The following ZNF343 variants were observed in gnomAD, a reference collection of about 807,000 sequenced individuals.
ZNF343 encodes the protein zinc finger protein 343.
In ZNF343, 11 loss-of-function variants were observed where a neutral mutation model predicts 13.8. The ratio of observed to expected loss-of-function variants is 0.80; its 90% CI spans 0.50 to 1.32. The LOEUF is 1.32. Among genes scored for constraint, ZNF343 ranks in the 40% most tolerant of loss-of-function variants. The probability of loss-of-function intolerance (pLI) is 0.00; values close to 1 mark genes in which losing one functional copy is unlikely to be tolerated. For missense variants in ZNF343, 658 were observed against 714.2 expected, an observed-to-expected ratio of 0.92 and a Z score of 0.90; for synonymous variants, 248 against 260.0, an observed-to-expected ratio of 0.95 and a Z score of 0.44.
At chr20:2,490,196 C>A (rs1000541843) in intron 5 of ZNF343, among the ~76,000 whole-genome samples, 4 of 151,946 alleles carry the variant, frequency 2.6e-5, no homozygotes, top group Non-Finnish European at 5.9e-5. Flanking sequence ...GGTGAGACAG[C>A]GATAGATAAT....
intron 5 of ZNF343, among the ~76,000 whole-genome samples, chr20:2,490,335 AAAG>A (rs1207990571): frequency 6.6e-6 from 1 of 152,144 alleles, no homozygotes; most frequent in East Asian, 1.9e-4. Flanking sequence ...GAGAAAAGAA[AAAG>A]AAGGAAGGGA....
intron 2 of ZNF343, among the ~76,000 whole-genome samples, chr20:2,498,860 A>G (rs2085506475): frequency 6.6e-6 from 1 of 152,128 alleles, no homozygotes; most frequent in South Asian, 2.1e-4. Flanking sequence ...AATCTAGGCA[A>G]TCTGTCTCCA....
intron 5 of ZNF343, among the ~76,000 whole-genome samples, chr20:2,491,604 G>A (rs1265375165): frequency 6.6e-6 from 1 of 152,106 alleles, no homozygotes; most frequent in Non-Finnish European, 1.5e-5. Context: ...AATATTTCAT[G>A]ATACATAAAC....
Position 2,483,791 on chromosome 20 carries a change from A to G in ZNF343, c.1170T>C (p.Phe390=). The G allele has an allele frequency of 6.2e-7, 1 of 1,613,850 alleles. No homozygotes were observed. The highest frequency in any genetic ancestry group is 8.5e-7 in the Non-Finnish European group (1 of 1,179,948). The change falls in exon 6 of 6, where the codon TTT becomes TTC. Residue 390 remains phenylalanine, a synonymous_variant. Transcript: ENST00000278772. ...PYVCLECGRS[F]CDKSTLRKHQ... ...GTTTTCTGAGGGTTGACTTATCACA[A>G]AAGCTTCGTCCACACTCCAGGCACA... is the stretch of plus-strand genomic sequence containing the variant.
intron 1 of ZNF343, among the ~76,000 whole-genome samples, chr20:2,500,976 G>A (rs888865330): frequency 7.2e-5 from 11 of 152,324 alleles, no homozygotes; most frequent in Admixed American, 2.0e-4. Context: ...GACAGTGGGT[G>A]CAGAGCACCG....
At chr20:2,513,490 G>T (rs2085746810), upstream of ZNF343, among the ~76,000 whole-genome samples, 1 of 152,238 alleles carries the variant, frequency 6.6e-6, no homozygotes, top group Non-Finnish European at 1.5e-5. Context: ...TGTTGGCAAA[G>T]TTGTGGAGAA....
chr20:2,484,518 G>A lies in ZNF343; in HGVS notation c.443C>T (p.Pro148Leu), dbSNP rs756279815. The A allele has an allele frequency of 5.5e-5, 89 of 1,614,076 alleles. No homozygotes were observed. The highest frequency in any genetic ancestry group is 6.6e-5 in the Non-Finnish European group (78 of 1,180,050). Residue 148 changes from proline (P) to leucine (L), a missense_variant, in exon 6 of 6, where the codon CCA becomes CTA. Transcript: ENST00000278772. ...ENHFHPGNSS[P>L]GHWKQQGQQY... ...CTGCCCCTGCTGTTTCCAATGCCCTGGGCTAGAATTCCCTGGATGGAAGTG... is the reference window on the plus strand; with the variant it reads ...CTGCCCCTGCTGTTTCCAATGCCCTAGGCTAGAATTCCCTGGATGGAAGTG...
At chr20:2,484,964 C>T (rs1000578676) in intron 5 of ZNF343, among the ~76,000 whole-genome samples, 1 of 152,226 alleles carries the variant, frequency 6.6e-6, no homozygotes, top group East Asian at 1.9e-4. Flanking sequence ...ATACTGTCCA[C>T]AGCTCTTTGT....
At chr20:2,514,310 C>G (rs1174592370) in intron 1 of ZNF343, among the ~76,000 whole-genome samples, 1 of 152,248 alleles carries the variant, frequency 6.6e-6, no homozygotes, top group South Asian at 2.1e-4. Flanking sequence ...ACACATTTGC[C>G]TCAACTGCAC....
At chr20:2,501,670 G>A (rs1014220127) in intron 1 of ZNF343, among the ~76,000 whole-genome samples, 1 of 152,208 alleles carries the variant, frequency 6.6e-6, no homozygotes, top group African/African-American at 2.4e-5. Flanking sequence ...CCACTGTTCT[G>A]CAGCCTCCGC....
chr20:2,493,040 G>C (rs2085392641), intron 4 of ZNF343: 1 of 580,760 alleles, frequency 1.7e-6, no homozygotes. Flanking sequence ...ACACATTCTA[G>C]GCCCTTGACA....
At position 2,484,011 on chromosome 20, in the gene ZNF343, C is replaced by CTCTGGTG; in HGVS notation, c.943_949dup (p.Arg317ThrfsTer21). 1 of 1,614,226 alleles carries CTCTGGTG rather than the reference C, an allele frequency of 6.2e-7. No homozygotes were observed. The highest frequency in any genetic ancestry group is 1.1e-5 in the South Asian group (1 of 91,086). ...ATAAGGCTTCTCTTCTGAATGTGTT[C>CTCTGGTG]TCTGGTGTCTGCTGAGGTTGGACTT... is the stretch of plus-strand genomic sequence containing the variant. On this transcript the variant is annotated frameshift_variant, in exon 6 of 6. Transcript: ENST00000278772. LOFTEE classifies it low-confidence loss of function (END_TRUNC).
At chr20:2,509,210 G>A (rs1010896909), upstream of ZNF343, 1 of 152,242 alleles carries the variant, frequency 6.6e-6, no homozygotes, top group Non-Finnish European at 1.5e-5. Flanking sequence ...ATTTCCGATT[G>A]GCGAATCTAG....
intron 5 of ZNF343, among the ~76,000 whole-genome samples, chr20:2,491,083 G>C (rs1457448881): frequency 6.6e-6 from 1 of 152,148 alleles, no homozygotes; most frequent in Non-Finnish European, 1.5e-5. Context: ...ACTCCTCCCT[G>C]AAACTGGTTT....
chr20:2,491,391 A>T (rs905469075), intron 5 of ZNF343, among the ~76,000 whole-genome samples: 1 of 152,186 alleles, frequency 6.6e-6, no homozygotes, highest in African/African-American at 2.4e-5. Context: ...ACCTGTAGTT[A>T]TACTTGTAAA....
upstream of ZNF343, among the ~76,000 whole-genome samples, chr20:2,512,576 T>C (rs1008543982): frequency 2.0e-5 from 3 of 152,108 alleles, no homozygotes; most frequent in African/African-American, 7.2e-5. Flanking sequence ...GAATAGCCTT[T>C]TCAATAAATC....
At position 2,483,880 on chromosome 20, in the gene ZNF343, C is replaced by T. The variant is rs867933720; in HGVS notation, c.1081G>A (p.Gly361Ser). 3 of 1,614,016 alleles carry T rather than the reference C, an allele frequency of 1.9e-6. No homozygotes were observed. In the South Asian group the frequency reaches 3.3e-5, roughly 18 times the overall value. ...KPYVCSECGR[G>S]FSEKSSFIRH... ...ATGAAGGATGACTTCTCGCTAAAGCCTCGCCCACACTCGCTGCAAACATAG... is the reference window on the plus strand; with the variant it reads ...ATGAAGGATGACTTCTCGCTAAAGCTTCGCCCACACTCGCTGCAAACATAG... Residue 361 changes from glycine to serine, a missense_variant, in exon 6 of 6, where the codon GGC becomes AGC. Transcript: ENST00000278772.
chr20:2,492,919 C>G, intron 4 of ZNF343, 94 bp from the exon 5 acceptor site: 12 of 1,540,340 alleles, frequency 7.8e-6, no homozygotes, highest in African/African-American at 1.4e-5. Flanking sequence ...CCTGGATATG[C>G]AAGTTGATGT....
At chr20:2,496,407 G>T (rs537888845) in intron 2 of ZNF343, among the ~76,000 whole-genome samples, 1 of 152,328 alleles carries the variant, frequency 6.6e-6, no homozygotes, top group South Asian at 2.1e-4. Context: ...GCAGTTAAGA[G>T]CAGTCAACGA....
Sources: allele counts gnomAD v4.1 joint callset (sites outside exome capture counted in the v4.1 genomes callset), GRCh38; gene constraint gnomAD v4.1.1; transcripts MANE v1.5; gene names NCBI Gene and HGNC (gene_info 2026-07-23, HGNC 2026-07-21).